Variants in OCA2 observed in about 807,000 individuals in gnomAD.
The protein encoded by OCA2 is OCA2 melanosomal transmembrane protein, also known as P protein.
In OCA2, 77 loss-of-function variants were observed where a neutral mutation model predicts 100.2. That is an observed-to-expected ratio of 0.77 (90% CI 0.64 to 0.93). The LOEUF is 0.93. Ranked by LOEUF, OCA2 falls within the 40% of genes least tolerant of loss-of-function variation. The probability of loss-of-function intolerance (pLI) is 0.00; values close to 1 mark genes in which losing one functional copy is unlikely to be tolerated. For synonymous variants in OCA2, 432 were observed against 439.2 expected, an observed-to-expected ratio of 0.98 and a Z score of 0.21; for missense variants, 1,062 against 1,089.1, an observed-to-expected ratio of 0.98 and a Z score of 0.35.
At chr15:28,072,405 C>T (rs766075240) in intron 2 of OCA2, among the ~76,000 whole-genome samples, 5 of 151,934 alleles carry the variant, frequency 3.3e-5, no homozygotes, top group East Asian at 1.9e-4. Context: ...CTGGCTAACA[C>T]GGTGAAACCC....
intron 19 of OCA2, among the ~76,000 whole-genome samples, chr15:27,882,956 C>G (rs1253417301): frequency 6.6e-6 from 1 of 152,208 alleles, no homozygotes; most frequent in Admixed American, 6.5e-5. Flanking sequence ...CTAACCTCAG[C>G]CAGTCATCAG....
intron 23 of OCA2, among the ~76,000 whole-genome samples, chr15:27,793,421 T>A (rs1202297898): frequency 2.1e-5 from 3 of 141,912 alleles, no homozygotes; most frequent in Non-Finnish European, 4.6e-5. Context: ...AAAAAAAAAA[T>A]TATTTCAGAT....
chr15:27,996,528 C>A (rs2041732505), intron 9 of OCA2, among the ~76,000 whole-genome samples: 1 of 151,092 alleles, frequency 6.6e-6, no homozygotes, highest in South Asian at 2.1e-4. Context: ...TTGAAGAGAT[C>A]AGCAAAACTA....
intron 19 of OCA2, among the ~76,000 whole-genome samples, chr15:27,885,508 C>G (rs547702924): frequency 6.6e-6 from 1 of 152,300 alleles, no homozygotes; most frequent in South Asian, 2.1e-4. Flanking sequence ...TGAGAAATAA[C>G]AAAGTTATCT....
rs1187603840 is a variant in OCA2 at position 27,967,699 on chromosome 15, C to A, written c.1504-877G>T. On this transcript the variant is annotated intron_variant, in intron 14 of 23. Transcript: ENST00000354638. ...CCAGCCGCAGGGACTCAAGCAGGAA[C>A]CTCTCCTTCCCGGCACGCTTCCTTT... 1.3e-5 allele frequency among the ~76,000 whole-genome samples: 2 copies of A among 152,248 alleles called. 1 individual carries two copies. The highest frequency in any genetic ancestry group is 4.8e-5 in the African/African-American group (2 of 41,470).
In OCA2 at chr15:27,756,856, G is replaced by A. The variant is rs144718513; in HGVS notation, c.2433-1384C>T. On this transcript the variant is annotated intron_variant, in intron 23 of 23. Coordinates refer to ENST00000354638, the MANE Select transcript of OCA2 (RefSeq NM_000275.3). ...ACCTTGCTTGAGAAGCCCAAGACTG[G>A]AGAAAGTTCCTGGTGGGTGGTTTTG... is the stretch of plus-strand genomic sequence containing the variant. Among the ~76,000 whole-genome samples the A allele has an allele frequency of 7.7e-3, 1,175 of 152,302 alleles. 19 individuals are homozygous for A. The highest frequency in any genetic ancestry group is 0.026 in the African/African-American group (1,083 of 41,572).
intron 19 of OCA2, among the ~76,000 whole-genome samples, chr15:27,880,759 C>T (rs1205172390): frequency 6.6e-6 from 1 of 152,150 alleles, no homozygotes; most frequent in Admixed American, 6.5e-5. Context: ...AGCTTTTGGA[C>T]TGAGAGGATG....
At position 27,989,654 on chromosome 15, in the gene OCA2, T is replaced by A. The variant is rs758047811; in HGVS notation, c.1129A>T (p.Thr377Ser). The A allele has an allele frequency of 1.9e-6, 3 of 1,613,916 alleles. No individual in the cohort carries two copies. Among genetic ancestry groups the A allele is most frequent in the Non-Finnish European group, 2.5e-6 (3 of 1,179,948 alleles). The change falls in exon 11 of 24, where the codon ACC (threonine) becomes TCC (serine). Residue 377 changes from threonine (T) to serine (S), a missense_variant. Coordinates refer to ENST00000354638, the MANE Select transcript of OCA2 (RefSeq NM_000275.3). ...AAATCAATCCACTCCACCACATGGG[T>A]CAGGCTGGGTCTCTGCAATCAAAGC... The part of the protein sequence containing the change: ...LAVIGDRPSL[T>S]HVVEWIDFET...
chr15:28,011,966 C>T (rs1467254148), intron 9 of OCA2, among the ~76,000 whole-genome samples: 4 of 149,242 alleles, frequency 2.7e-5, no homozygotes, highest in Non-Finnish European at 4.4e-5. Flanking sequence ...GTAATCCCAG[C>T]GCTTTGTCTC....
At chr15:27,868,299 T>C (rs889115984) in intron 21 of OCA2, among the ~76,000 whole-genome samples, 2 of 152,020 alleles carry the variant, frequency 1.3e-5, no homozygotes, top group Non-Finnish European at 2.9e-5. Flanking sequence ...AGCCAAGACA[T>C]GGGAAAAACT....
At chr15:27,744,816 C>T in the OCA2 span, among the ~76,000 whole-genome samples, 1 of 152,126 alleles carries the variant, frequency 6.6e-6, no homozygotes, top group African/African-American at 2.4e-5. Flanking sequence ...TAAGACATTC[C>T]AAAGAAGCCT....
intron 23 of OCA2, among the ~76,000 whole-genome samples, chr15:27,823,567 C>T (rs950963152): frequency 1.3e-5 from 2 of 152,062 alleles, no homozygotes; most frequent in African/African-American, 4.8e-5. Flanking sequence ...AATCATAAAG[C>T]AAAAGAAATC....
chr15:27,806,650 G>A (rs910225346), intron 23 of OCA2, among the ~76,000 whole-genome samples: 2 of 152,258 alleles, frequency 1.3e-5, no homozygotes, highest in African/African-American at 4.8e-5. Context: ...TCCCGGCACT[G>A]ATGAGTCTAC....
intron 23 of OCA2, among the ~76,000 whole-genome samples, chr15:27,793,964 G>A (rs925350162): frequency 1.3e-5 from 2 of 152,204 alleles, no homozygotes; most frequent in African/African-American, 4.8e-5. Context: ...CCACTAGCCG[G>A]CACTTGGTGG....
chr15:28,047,157 C>A (rs536179680), intron 2 of OCA2, among the ~76,000 whole-genome samples: 1 of 152,282 alleles, frequency 6.6e-6, no homozygotes. Flanking sequence ...ATTCTCACCT[C>A]ATTCTCTCCC....
intron 23 of OCA2, among the ~76,000 whole-genome samples, chr15:27,791,542 C>T (rs1258102757): frequency 6.6e-6 from 1 of 152,144 alleles, no homozygotes; most frequent in Non-Finnish European, 1.5e-5. Flanking sequence ...AGTGTTTTTC[C>T]AGTGATAGAC....
intron 23 of OCA2, among the ~76,000 whole-genome samples, chr15:27,839,797 C>T (rs2035281019): frequency 6.6e-6 from 1 of 152,180 alleles, no homozygotes; most frequent in African/African-American, 2.4e-5. Context: ...CTAGTATAAT[C>T]ATTGGGTAGA....
At chr15:28,050,761 C>A (rs1176033864) in intron 2 of OCA2, among the ~76,000 whole-genome samples, 1 of 152,140 alleles carries the variant, frequency 6.6e-6, no homozygotes, top group African/African-American at 2.4e-5. Context: ...CTCTCCTGGA[C>A]ATGAGGCCAC....
chr15:27,760,456 T>A (rs1389950829), intron 23 of OCA2, among the ~76,000 whole-genome samples: 1 of 150,766 alleles, frequency 6.6e-6, no homozygotes, highest in Non-Finnish European at 1.5e-5. Context: ...AAAGAAATAA[T>A]AAAGATAAGA....
Sources: allele counts gnomAD v4.1 joint callset (sites outside exome capture counted in the v4.1 genomes callset), GRCh38; gene constraint gnomAD v4.1.1; transcripts MANE v1.5; gene names NCBI Gene and HGNC (gene_info 2026-07-23, HGNC 2026-07-21).